NEURL1B: variants seen among roughly 807,000 people sequenced by gnomAD.
The protein encoded by NEURL1B is E3 ubiquitin-protein ligase NEURL1B.
In NEURL1B, 13 loss-of-function variants were observed where a neutral mutation model predicts 37.4. The observed-to-expected ratio is 0.35, with a 90% CI of 0.23 to 0.55. NEURL1B has a LOEUF of 0.55. Ranked by LOEUF, NEURL1B falls within the 20% of genes least tolerant of loss-of-function variation. The probability of loss-of-function intolerance (pLI) is 0.89; values close to 1 mark genes in which losing one functional copy is unlikely to be tolerated. For synonymous variants in NEURL1B, 432 were observed against 426.6 expected (o/e 1.01, Z -0.16); for missense variants, 790 against 879.2 (o/e 0.90, Z 1.28).
At position 172,683,595 on chromosome 5, in the gene NEURL1B, G is replaced by A. The variant is rs1205211877; in HGVS notation, c.754G>A (p.Ala252Thr). ...GGGCCGCGCCCCGGGCCCACCGCCAGCCGACGCCGCGGCCGCCGCCATTCC... is the reference window on the plus strand; with the variant it reads ...GGGCCGCGCCCCGGGCCCACCGCCAACCGACGCCGCGGCCGCCGCCATTCC... ...ALGRAPGPPP[A>T]DAAAAAIPCG... The change falls in exon 3 of 5, where the codon GCC becomes ACC. Residue 252 changes from alanine to threonine, a missense_variant. Around this residue, in one of 3 missense-constraint regions of NEURL1B, gnomAD observed 460 missense variants for 407.4 expected, o/e 1.13. Transcript: ENST00000369800. This position sits in a 1 kb window ranked among gnomAD's most constrained non-coding sequence, Gnocchi z 5.6. 19 of 1,281,540 alleles carry A rather than the reference G, an allele frequency of 1.5e-5. No homozygotes were observed. The highest frequency in any genetic ancestry group is 4.8e-5 in the African/African-American group (3 of 63,098). The allele number at this position is 1,281,540 out of a possible 1,614,324, so 79.4% of individuals were successfully genotyped here.
Position 172,690,430 on chromosome 5 carries a change from A to C in NEURL1B, c.*3505A>C, listed in dbSNP as rs1363283350. ...GTAGTTACTCAGTAGAGGTTTGCTGAGTAAACCAGAAATCAGATTATGAGT... is the reference window on the plus strand; with the variant it reads ...GTAGTTACTCAGTAGAGGTTTGCTGCGTAAACCAGAAATCAGATTATGAGT... On this transcript the variant is annotated 3_prime_UTR_variant, in exon 5 of 5. Coordinates refer to ENST00000369800, the MANE Select transcript of NEURL1B (RefSeq NM_001142651.3). 6.6e-6 allele frequency: 1 copy of C among 152,218 alleles called. No individual in the cohort carries two copies. The highest frequency in any genetic ancestry group is 6.5e-5 in the Admixed American group (1 of 15,286). 9.4% of individuals were successfully genotyped at this position (152,218 alleles called of 1,614,324 possible). A position where few individuals can be genotyped will look rare whatever the true frequency, so the allele number is the denominator to read the frequency against.
At chr5:172,674,139 CAA>C (rs112362262) in intron 2 of NEURL1B, among the ~76,000 whole-genome samples, 12 of 144,464 alleles carry the variant, frequency 8.3e-5, no homozygotes, top group African/African-American at 1.5e-4. Flanking sequence ...AACTCCATCT[CAA>C]AAAAAAAAAA....
intron 1 of NEURL1B, among the ~76,000 whole-genome samples, chr5:172,646,330 A>C (rs2113254569): frequency 6.6e-6 from 1 of 152,356 alleles, no homozygotes; most frequent in African/African-American, 2.4e-5. Context: ...GTGAGTGTTC[A>C]ACAAATGCCC....
At chr5:172,672,538 T>TCCCCCCC (rs1391154491) in intron 2 of NEURL1B, among the ~76,000 whole-genome samples, 1 of 65,480 alleles carries the variant, frequency 1.5e-5, no homozygotes, top group African/African-American at 1.0e-4. Flanking sequence ...TGAGGTGAAC[T>TCCCCCCC]CTCCCCCCCC....
At chr5:172,684,403 GCGGCTCTCTGGACCACATTT>G (rs1758442046) in intron 3 of NEURL1B, among the ~76,000 whole-genome samples, 3 of 152,030 alleles carry the variant, frequency 2.0e-5, no homozygotes, top group African/African-American at 7.2e-5. Flanking sequence ...TGCTGACGTT[GCGGCTCTCTGGACCACATTT>G]TGTAAACCAC....
chr5:172,673,098 T>A (rs1758162891), intron 2 of NEURL1B, among the ~76,000 whole-genome samples: 1 of 152,174 alleles, frequency 6.6e-6, no homozygotes, highest in African/African-American at 2.4e-5. Flanking sequence ...ATGAGTGACT[T>A]TTTATTTTTC....
At chr5:172,642,657 G>A (rs1442523069) in intron 1 of NEURL1B, among the ~76,000 whole-genome samples, 2 of 152,222 alleles carry the variant, frequency 1.3e-5, no homozygotes, top group African/African-American at 2.4e-5. Flanking sequence ...GATTCCCAGG[G>A]TCAGCTTATG....
Position 172,683,936 on chromosome 5 carries a change from CA to C in NEURL1B, c.1098del (p.Glu367SerfsTer93). The C allele has an allele frequency of 7.1e-7, 1 of 1,404,586 alleles. No homozygotes were observed. The highest frequency in any genetic ancestry group is 9.3e-7 in the Non-Finnish European group (1 of 1,073,818). 87.0% of individuals were successfully genotyped at this position (1,404,586 alleles called of 1,614,324 possible). On this transcript the variant is annotated frameshift_variant, in exon 3 of 5. Transcript: ENST00000369800. LOFTEE classifies it high-confidence loss of function. The surrounding 1 kb of genome is among the most constrained non-coding windows in gnomAD (Gnocchi z 5.6). ...CCGACCCAGACGCGCTGCTCGACCG[CA>C]AAGAGTACTGGGTGGTGGCGCGCGC... ...PADPDALLDR[K>X]EYWVVARAGP... is the part of the protein sequence containing the mutation.
chr5:172,644,630 C>T (rs1223521912), intron 1 of NEURL1B, among the ~76,000 whole-genome samples: 1 of 149,070 alleles, frequency 6.7e-6, no homozygotes, highest in Non-Finnish European at 1.5e-5. Context: ...GTGCTCTACA[C>T]TCTCTTTCCA....
intron 3 of NEURL1B, among the ~76,000 whole-genome samples, chr5:172,685,208 C>T (rs528725198): frequency 2.4e-4 from 37 of 152,100 alleles, no homozygotes; most frequent in Non-Finnish European, 2.4e-4. Context: ...ATGCCTTGAG[C>T]GGGGCCTGAC....
At position 172,687,757 on chromosome 5, in the gene NEURL1B, A is replaced by G. The variant is rs1230037015; in HGVS notation, c.*832A>G. On this transcript the variant is annotated 3_prime_UTR_variant, in exon 5 of 5. Coordinates refer to ENST00000369800, the MANE Select transcript of NEURL1B (RefSeq NM_001142651.3). ...TCTGTAATGCCCTTCCCTATCTCCA[A>G]GGAGAAGACCAGCAGTAAGTTCTGT... The G allele has an allele frequency of 1.3e-5, 2 of 151,996 alleles. No individual in the cohort carries two copies. The highest frequency in any genetic ancestry group is 2.1e-4 in the South Asian group (1 of 4,826). 9.4% of individuals were successfully genotyped at this position (151,996 alleles called of 1,614,324 possible).
chr5:172,685,500 G>T (rs534652541), intron 3 of NEURL1B, among the ~76,000 whole-genome samples: 3 of 152,294 alleles, frequency 2.0e-5, no homozygotes, highest in African/African-American at 7.2e-5. Context: ...AGCAAGCTTG[G>T]GGAAGAAAAC....
intron 1 of NEURL1B, among the ~76,000 whole-genome samples, chr5:172,644,906 C>A (rs1757532689): frequency 6.6e-6 from 1 of 152,136 alleles, no homozygotes; most frequent in Non-Finnish European, 1.5e-5. Flanking sequence ...GGACTCATCC[C>A]CTTCTCCTAA....
At chr5:172,642,776 A>C (rs879422975) in intron 1 of NEURL1B, among the ~76,000 whole-genome samples, 1 of 152,210 alleles carries the variant, frequency 6.6e-6, no homozygotes, top group Admixed American at 6.5e-5. Context: ...TCAGTGGCAG[A>C]GGTGGGATTA....
Position 172,674,863 on chromosome 5 carries a change from C to G in NEURL1B, c.577+4533C>G, listed in dbSNP as rs565830593. Among the ~76,000 whole-genome samples, 53 of 152,256 alleles carry G rather than the reference C, an allele frequency of 3.5e-4. No homozygotes were observed. In the Middle Eastern group the frequency reaches 0.01, roughly 29 times the overall value. On this transcript the variant is annotated intron_variant, in intron 2 of 4. Coordinates refer to ENST00000369800, the MANE Select transcript of NEURL1B (RefSeq NM_001142651.3). ...TTCTCCTGACCAGGTAGGCATCACT[C>G]TGATTCATAATCCCATGAATGTATC...
At position 172,665,943 on chromosome 5, in the gene NEURL1B, T is replaced by C. The variant is rs886773492; in HGVS notation, c.32-3842T>C. Among the ~76,000 whole-genome samples the C allele has an allele frequency of 6.6e-6, 1 of 152,092 alleles. No individual in the cohort carries two copies. Among genetic ancestry groups the C allele is most frequent in the Non-Finnish European group, 1.5e-5 (1 of 68,026 alleles). ...CAGATCTCCACGAAGGCAGGATGTG[T>C]GTGATCTGCAGAAAGAATAACTGGA... is the stretch of plus-strand genomic sequence containing the variant. On this transcript the variant is annotated intron_variant, in intron 1 of 4. Transcript: ENST00000369800. The surrounding 1 kb of genome is among the most constrained non-coding windows in gnomAD (Gnocchi z 4.1).
chr5:172,674,910 C>T (rs1469664464), intron 2 of NEURL1B, among the ~76,000 whole-genome samples: 1 of 152,138 alleles, frequency 6.6e-6, no homozygotes, highest in African/African-American at 2.4e-5. Context: ...CGTTCTGTTG[C>T]CCAGGCTGGA....
rs1397409526 is a variant in NEURL1B at position 172,670,061 on chromosome 5, C to T, written c.308C>T (p.Ala103Val). 6.6e-7 allele frequency: 1 copy of T among 1,521,874 alleles called. No individual in the cohort carries two copies. The highest frequency in any genetic ancestry group is 2.6e-5 in the East Asian group (1 of 39,116). 94.3% of individuals were successfully genotyped at this position (1,521,874 alleles called of 1,614,324 possible). A position where few individuals can be genotyped will look rare whatever the true frequency, so the allele number is the denominator to read the frequency against. ...GGCGCGCTGCGCTTCGGCTTCACCG[C>T]GCACGATCCGTCGCTCATGAGCGCC... ...WSGALRFGFTAHDPSLMSAQD... is the reference protein window; with the variant it reads ...WSGALRFGFTVHDPSLMSAQD... The change falls in exon 2 of 5, where the codon GCG becomes GTG. Residue 103 changes from alanine to valine, a missense_variant. By Grantham distance (64) the Ala-to-Val change is moderately conservative. Transcript: ENST00000369800.
At chr5:172,677,606 GGCCAGTGTTT>G (rs1316752965) in intron 2 of NEURL1B, among the ~76,000 whole-genome samples, 21 of 152,298 alleles carry the variant, frequency 1.4e-4, no homozygotes, top group African/African-American at 5.1e-4. Flanking sequence ...AGCACACCAA[GGCCAGTGTTT>G]GCCATCTTTT....
Sources: allele counts gnomAD v4.1 joint callset (sites outside exome capture counted in the v4.1 genomes callset), GRCh38; gene constraint gnomAD v4.1.1; regional missense constraint gnomAD v4.1.1; non-coding constraint Gnocchi (gnomAD v3.1); transcripts MANE v1.5; gene names NCBI Gene and HGNC (gene_info 2026-07-23, HGNC 2026-07-21).